DPF3: variants seen among roughly 807,000 people sequenced by gnomAD.
The protein encoded by DPF3 is double PHD fingers 3.
A neutral mutation model predicts 56.8 loss-of-function variants in DPF3; 18 were observed. That is an observed-to-expected ratio of 0.32 (90% confidence interval 0.22 to 0.47). DPF3 has a LOEUF of 0.47. Among genes scored for constraint, DPF3 ranks in the 20% least tolerant of loss-of-function variants. The pLI is 1.00. For missense variants in DPF3, 403 were observed against 488.8 expected, an observed-to-expected ratio of 0.82 and a Z score of 1.65; for synonymous variants, 188 against 180.2, an observed-to-expected ratio of 1.04 and a Z score of -0.35.
intron 8 of DPF3, chr14:72,661,562 C>A: frequency 1.0e-6 from 1 of 985,518 alleles, no homozygotes. Context: ...CAGCCCTGCA[C>A]CTTTGCTGGG....
At chr14:72,699,942 G>A (rs968850335) in intron 6 of DPF3, among the ~76,000 whole-genome samples, 3 of 152,180 alleles carry the variant, frequency 2.0e-5, no homozygotes, top group Non-Finnish European at 4.4e-5. Context: ...AGCTGTGGGA[G>A]GAGGAAAGAG....
At chr14:72,841,883 G>A (rs1884555844) in intron 1 of DPF3, among the ~76,000 whole-genome samples, 1 of 152,058 alleles carries the variant, frequency 6.6e-6, no homozygotes, top group African/African-American at 2.4e-5. Flanking sequence ...GGGAGTTTGA[G>A]ACCAGCCTGG....
At chr14:72,837,924 C>T (rs1409887703) in intron 1 of DPF3, among the ~76,000 whole-genome samples, 4 of 152,140 alleles carry the variant, frequency 2.6e-5, no homozygotes, top group Non-Finnish European at 5.9e-5. Flanking sequence ...AGGTTTTGCC[C>T]CAGATCCTTG....
intron 1 of DPF3, among the ~76,000 whole-genome samples, chr14:72,887,268 C>T (rs747652382): frequency 1.8e-4 from 27 of 151,922 alleles, no homozygotes; most frequent in Non-Finnish European, 2.8e-4. Context: ...TGCTTATCCA[C>T]GTCAAAATAG....
At chr14:72,867,560 C>T (rs1885723269) in intron 1 of DPF3, among the ~76,000 whole-genome samples, 1 of 152,170 alleles carries the variant, frequency 6.6e-6, no homozygotes, top group African/African-American at 2.4e-5. Context: ...TGCCCATTCT[C>T]CTCTAAGGTG....
intron 8 of DPF3, among the ~76,000 whole-genome samples, chr14:72,646,839 G>T (rs1007510821): frequency 6.6e-6 from 1 of 152,184 alleles, no homozygotes; most frequent in African/African-American, 2.4e-5. Flanking sequence ...AGAATTACCG[G>T]GAGAGATGTT....
chr14:72,867,911 T>G (rs1005916892), intron 1 of DPF3, among the ~76,000 whole-genome samples: 1 of 152,044 alleles, frequency 6.6e-6, no homozygotes, highest in Non-Finnish European at 1.5e-5. Context: ...GCTATTTTTT[T>G]GTATTTTTTT....
At chr14:72,879,255 C>T (rs1203069641) in intron 1 of DPF3, among the ~76,000 whole-genome samples, 3 of 151,960 alleles carry the variant, frequency 2.0e-5, no homozygotes, top group Non-Finnish European at 1.5e-5. Flanking sequence ...TGGTGGTGTG[C>T]ACCTATTGTC....
chr14:72,837,466 G>C (rs962978817), intron 1 of DPF3, among the ~76,000 whole-genome samples: 13 of 152,016 alleles, frequency 8.6e-5, no homozygotes, highest in African/African-American at 3.1e-4. Context: ...GGCCAGGCGT[G>C]GTGGCTCACG....
rs911233159 is a variant in DPF3, at chr14:72,698,467, C to T, written c.605-5254G>A. ...GCCAAGGTGGGAGGATCCCTTGTGC[C>T]CAGGAGTTGAAGACCAGCCTAGGCA... On this transcript the variant is annotated intron_variant, in intron 6 of 10. Coordinates refer to ENST00000556509, the MANE Select transcript of DPF3 (RefSeq NM_001280542.3). Among the ~76,000 whole-genome samples, 4 of 152,074 alleles carry T rather than the reference C, an allele frequency of 2.6e-5. 1 individual carries two copies. Among genetic ancestry groups the T allele is most frequent in the Non-Finnish European group, 5.9e-5 (4 of 68,018 alleles).
chr14:72,789,695 A>C (rs1480603056), intron 1 of DPF3, among the ~76,000 whole-genome samples: 1 of 150,782 alleles, frequency 6.6e-6, no homozygotes, highest in Non-Finnish European at 1.5e-5. Flanking sequence ...TTCCCAGCTA[A>C]TTTTTTTTTC....
intron 6 of DPF3, among the ~76,000 whole-genome samples, chr14:72,712,182 G>A (rs1419375162): frequency 6.6e-6 from 1 of 152,112 alleles, no homozygotes. Context: ...GGCCTCCCAG[G>A]CACTACAGGG....
intron 8 of DPF3, among the ~76,000 whole-genome samples, chr14:72,651,140 A>C (rs1885895962): frequency 6.6e-6 from 1 of 152,052 alleles, no homozygotes; most frequent in Non-Finnish European, 1.5e-5. Context: ...TAGAACTGTA[A>C]CCAGGTCTCC....
chr14:72,650,529 A>C (rs1284102333), intron 8 of DPF3, among the ~76,000 whole-genome samples: 1 of 152,112 alleles, frequency 6.6e-6, no homozygotes. Flanking sequence ...TCTGTTAGAC[A>C]AGCTCTAGGG....
At chr14:72,634,140 A>G (rs1456249686) in intron 8 of DPF3, among the ~76,000 whole-genome samples, 1 of 152,192 alleles carries the variant, frequency 6.6e-6, no homozygotes, top group Non-Finnish European at 1.5e-5. Flanking sequence ...CTCCACACTC[A>G]GGACATCACT....
intron 3 of DPF3, among the ~76,000 whole-genome samples, chr14:72,734,886 C>G (rs150383264): frequency 0.01 from 1,571 of 152,304 alleles, 24 homozygotes; most frequent in Non-Finnish European, 0.012. Context: ...CGTGTACATG[C>G]AGAGGGCTTG....
intron 7 of DPF3, among the ~76,000 whole-genome samples, chr14:72,687,748 T>C (rs1161913161): frequency 6.6e-6 from 1 of 152,164 alleles, no homozygotes. Context: ...CGGTGAAGCC[T>C]TTGCAAACCC....
intron 9 of DPF3, among the ~76,000 whole-genome samples, chr14:72,623,970 C>A (rs186437617): frequency 4.2e-4 from 64 of 152,234 alleles, no homozygotes; most frequent in Admixed American, 4.0e-3. Flanking sequence ...GTCAAAAGGA[C>A]TCAGGATCCA....
At chr14:72,815,055 A>C (rs1047251551) in intron 1 of DPF3, among the ~76,000 whole-genome samples, 2 of 152,290 alleles carry the variant, frequency 1.3e-5, no homozygotes, top group South Asian at 4.2e-4. Context: ...CAAGCTACAG[A>C]CTGAGAGAAA....
Sources: allele counts gnomAD v4.1 joint callset (sites outside exome capture counted in the v4.1 genomes callset), GRCh38; gene constraint gnomAD v4.1.1; transcripts MANE v1.5; gene names NCBI Gene and HGNC (gene_info 2026-07-23, HGNC 2026-07-21).